ZFHX3: variants seen among roughly 807,000 people sequenced by gnomAD.
The protein encoded by ZFHX3 is zinc finger homeobox 3.
A neutral mutation model predicts 279.1 loss-of-function variants in ZFHX3; 42 were observed. The observed-to-expected ratio is 0.15, with a 90% CI of 0.12 to 0.19. The LOEUF is 0.19. Among genes scored for constraint, ZFHX3 ranks in the 10% least tolerant of loss-of-function variants. ZFHX3 has a pLI of 1.00. For missense variants in ZFHX3, 4,981 were observed against 4,754.0 expected (o/e 1.05, Z -1.40); for synonymous variants, 2,293 against 1,957.8 (o/e 1.17, Z -4.52).
chr16:73,195,234 G>C (rs1170148129), intron 5 of ZFHX3, among the ~76,000 whole-genome samples: 1 of 152,016 alleles, frequency 6.6e-6, no homozygotes, highest in African/African-American at 2.4e-5. Flanking sequence ...TTTGGAAAAG[G>C]GAGAAGGGGA....
chr16:73,509,686 G>A (rs1382323606), intron 2 of ZFHX3, among the ~76,000 whole-genome samples: 8 of 140,274 alleles, frequency 5.7e-5, no homozygotes, highest in South Asian at 4.5e-4. Flanking sequence ...CACCATGCCC[G>A]GCTGATTTTT....
intron 6 of ZFHX3, among the ~76,000 whole-genome samples, chr16:73,135,889 G>A (rs59713526): frequency 0.025 from 3,635 of 147,256 alleles, 158 homozygotes; most frequent in African/African-American, 0.086. Flanking sequence ...ACAGAATCTC[G>A]CTTTGTCGCC....
chr16:73,736,918 A>T (rs961831041), intron 1 of ZFHX3, among the ~76,000 whole-genome samples: 2 of 152,234 alleles, frequency 1.3e-5, no homozygotes, highest in African/African-American at 2.4e-5. Context: ...TTCATGGTCA[A>T]TGCTGTCAGA....
chr16:73,229,582 TAGAC>T (rs1342442305), intron 5 of ZFHX3, among the ~76,000 whole-genome samples: 1 of 152,176 alleles, frequency 6.6e-6, no homozygotes, highest in African/African-American at 2.4e-5. Context: ...CAGTGGTAGA[TAGAC>T]AGAATGAGAT....
chr16:73,278,955 T>C (rs1439771116), intron 4 of ZFHX3, among the ~76,000 whole-genome samples: 3 of 152,174 alleles, frequency 2.0e-5, no homozygotes, highest in Non-Finnish European at 2.9e-5. Flanking sequence ...TCAGCAGGAG[T>C]GCTTCAAAAA....
At chr16:73,129,586 C>T (rs774494075) in intron 7 of ZFHX3, among the ~76,000 whole-genome samples, 21 of 151,724 alleles carry the variant, frequency 1.4e-4, no homozygotes, top group African/African-American at 7.3e-5. Flanking sequence ...GATATATCAA[C>T]GTATTGAGGT....
chr16:73,443,807 T>C (rs2018136847), intron 3 of ZFHX3, among the ~76,000 whole-genome samples: 1 of 152,264 alleles, frequency 6.6e-6, no homozygotes. Context: ...CAGGCTGGAG[T>C]GCAGTGGCGT....
At chr16:72,955,518 C>T (rs1048581842) in intron 2 of ZFHX3, among the ~76,000 whole-genome samples, 4 of 152,188 alleles carry the variant, frequency 2.6e-5, no homozygotes, top group Admixed American at 2.0e-4. Flanking sequence ...GTGGCTCATG[C>T]CTGTAATCCC....
chr16:73,202,123 T>C (rs574124229), intron 5 of ZFHX3, among the ~76,000 whole-genome samples: 2 of 152,308 alleles, frequency 1.3e-5, no homozygotes, highest in East Asian at 1.9e-4. Flanking sequence ...TATTATTCAC[T>C]ATAAGTCTGT....
At chr16:73,203,043 A>C (rs1456762671) in intron 5 of ZFHX3, among the ~76,000 whole-genome samples, 2 of 151,506 alleles carry the variant, frequency 1.3e-5, no homozygotes, top group East Asian at 3.9e-4. Flanking sequence ...TCCTCCTGGA[A>C]GCCTTCCCTG....
chr16:73,259,841 A>G (rs1396790852), intron 4 of ZFHX3, among the ~76,000 whole-genome samples: 1 of 152,194 alleles, frequency 6.6e-6, no homozygotes, highest in African/African-American at 2.4e-5. Flanking sequence ...AACTCTGACA[A>G]TTTTCTATAA....
intron 1 of ZFHX3, among the ~76,000 whole-genome samples, chr16:73,029,124 T>C (rs1342633691): frequency 6.6e-6 from 1 of 152,132 alleles, no homozygotes; most frequent in Non-Finnish European, 1.5e-5. Context: ...TGCCTCAACA[T>C]GGGGCCATCT....
intron 2 of ZFHX3, among the ~76,000 whole-genome samples, chr16:73,490,361 CG>C (rs2019039335): frequency 6.6e-6 from 1 of 152,158 alleles, no homozygotes; most frequent in Non-Finnish European, 1.5e-5. Context: ...CCATTGAAAA[CG>C]TTTTAATGGC....
intron 1 of ZFHX3, among the ~76,000 whole-genome samples, chr16:73,699,052 T>C (rs1309484945): frequency 6.6e-6 from 1 of 152,160 alleles, no homozygotes; most frequent in Admixed American, 6.5e-5. Flanking sequence ...GCCTGACTAA[T>C]TGCTGAATTT....
At chr16:73,364,708 A>G (rs1400937986) in intron 3 of ZFHX3, among the ~76,000 whole-genome samples, 1 of 152,120 alleles carries the variant, frequency 6.6e-6, no homozygotes, top group Admixed American at 6.5e-5. Context: ...ACTGAGTTTT[A>G]TGGAGTCCAT....
intron 3 of ZFHX3, chr16:73,388,727 T>G (rs2016951353): frequency 6.6e-6 from 1 of 152,242 alleles, no homozygotes; most frequent in Non-Finnish European, 1.5e-5. Context: ...TTAGAAGGCC[T>G]CTGTGACAAC....
At chr16:73,557,397 A>C (rs1053356355) in intron 2 of ZFHX3, among the ~76,000 whole-genome samples, 10 of 152,188 alleles carry the variant, frequency 6.6e-5, no homozygotes, top group Non-Finnish European at 1.0e-4. Context: ...GAAAGAATTC[A>C]GGGCGAGTTC....
intron 2 of ZFHX3, among the ~76,000 whole-genome samples, chr16:73,532,430 A>G (rs376430475): frequency 1.3e-4 from 19 of 151,694 alleles, no homozygotes; most frequent in African/African-American, 4.6e-4. Flanking sequence ...AGTCCATTAA[A>G]CCTCTTTTTC....
intron 7 of ZFHX3, among the ~76,000 whole-genome samples, chr16:73,122,634 A>G (rs866061859): frequency 6.6e-6 from 1 of 152,280 alleles, no homozygotes; most frequent in Middle Eastern, 3.4e-3. Context: ...GATTCCCTGT[A>G]GACAAACTGT....
Sources: allele counts gnomAD v4.1 joint callset (sites outside exome capture counted in the v4.1 genomes callset), GRCh38; gene constraint gnomAD v4.1.1; transcripts MANE v1.5; gene names NCBI Gene and HGNC (gene_info 2026-07-23, HGNC 2026-07-21).